The following NBEA variants were observed in gnomAD, a reference collection of about 807,000 sequenced individuals.
NBEA encodes lysosomal-trafficking regulator 2.
A neutral mutation model predicts 343.4 loss-of-function variants in NBEA; 44 were observed. The observed-to-expected ratio is 0.13, with a 90% confidence interval of 0.10 to 0.16. The LOEUF is 0.16. Ranked by LOEUF, NBEA falls within the 10% of genes least tolerant of loss-of-function variation. The probability of loss-of-function intolerance (pLI) is 1.00; values close to 1 mark genes in which losing one functional copy is unlikely to be tolerated. For synonymous variants in NBEA, 1,175 were observed against 1,238.7 expected (o/e 0.95, Z 1.08); for missense variants, 2,555 against 3,631.3 (o/e 0.70, Z 7.62).
At chr13:34,970,641 C>G (rs985405165) in intron 1 of NBEA, among the ~76,000 whole-genome samples, 1 of 152,092 alleles carries the variant, frequency 6.6e-6, no homozygotes, top group African/African-American at 2.4e-5. Flanking sequence ...ATAGGGAATC[C>G]TTTCCCCATT....
chr13:34,991,963 G>A (rs1258885127), intron 1 of NBEA, among the ~76,000 whole-genome samples: 2 of 146,606 alleles, frequency 1.4e-5, no homozygotes, highest in Non-Finnish European at 3.0e-5. Context: ...ATGTACCACT[G>A]TCTTATGGTT....
At chr13:35,408,399 A>G (rs576845350) in intron 38 of NBEA, among the ~76,000 whole-genome samples, 3 of 152,334 alleles carry the variant, frequency 2.0e-5, no homozygotes, top group Non-Finnish European at 4.4e-5. Flanking sequence ...ACCCAAAACT[A>G]TAAAAACCTT....
intron 41 of NBEA, among the ~76,000 whole-genome samples, chr13:35,485,972 C>T (rs192152166): frequency 6.6e-5 from 10 of 152,078 alleles, no homozygotes; most frequent in African/African-American, 2.4e-4. Context: ...TTGAACTCTG[C>T]GTATAAATCA....
intron 36 of NBEA, among the ~76,000 whole-genome samples, chr13:35,340,078 G>A (rs1347529291): frequency 1.3e-5 from 2 of 152,052 alleles, no homozygotes; most frequent in Admixed American, 6.6e-5. Context: ...CAGATCCTAA[G>A]AAATTTAAAA....
intron 30 of NBEA, among the ~76,000 whole-genome samples, chr13:35,192,008 A>G (rs948276624): frequency 6.6e-6 from 1 of 152,068 alleles, no homozygotes; most frequent in African/African-American, 2.4e-5. Flanking sequence ...ACAGTAAGAA[A>G]AAGAGACATC....
chr13:35,458,406 C>T (rs1594705766), intron 40 of NBEA, among the ~76,000 whole-genome samples: 1 of 152,136 alleles, frequency 6.6e-6, no homozygotes, highest in African/African-American at 2.4e-5. Context: ...GAAGAAATCT[C>T]CTAACGCAAT....
chr13:35,637,577 A>G (rs576899629), intron 49 of NBEA, among the ~76,000 whole-genome samples: 1 of 152,084 alleles, frequency 6.6e-6, no homozygotes, highest in Non-Finnish European at 1.5e-5. Context: ...TAATCCCAGC[A>G]CTTTGGGAGG....
chr13:35,020,177 A>G (rs990028771), intron 1 of NBEA, among the ~76,000 whole-genome samples: 7 of 152,122 alleles, frequency 4.6e-5, no homozygotes, highest in East Asian at 1.9e-4. Context: ...TGTTTTAGCT[A>G]TATCTAATAA....
intron 10 of NBEA, among the ~76,000 whole-genome samples, chr13:35,086,459 C>T (rs1345165278): frequency 6.6e-6 from 1 of 151,920 alleles, no homozygotes; most frequent in Non-Finnish European, 1.5e-5. Context: ...ACCCTGGTAC[C>T]CTTCCCAGAC....
At chr13:35,364,160 A>G (rs562844026) in intron 38 of NBEA, among the ~76,000 whole-genome samples, 6 of 151,874 alleles carry the variant, frequency 4.0e-5, no homozygotes, top group African/African-American at 9.7e-5. Flanking sequence ...AACAAATTTC[A>G]TCTCTCCCAT....
At chr13:35,098,240 C>G in intron 10 of NBEA, 57 bp from the exon 11 acceptor site, 1 of 1,190,034 alleles carries the variant, frequency 8.4e-7, no homozygotes, top group Non-Finnish European at 1.2e-6. Flanking sequence ...TGAAGTGGGA[C>G]ACTGTTTATA....
chr13:35,240,611 A>T (rs1439776525), intron 34 of NBEA, among the ~76,000 whole-genome samples: 2 of 151,914 alleles, frequency 1.3e-5, no homozygotes, highest in African/African-American at 4.8e-5. Flanking sequence ...AATAAATTAC[A>T]TGGGGAAAAG....
rs554602077 is a variant in NBEA, at chr13:35,625,008, AACTC to A, written c.7450-3065_7450-3062del. 4.4e-3 allele frequency among the ~76,000 whole-genome samples: 665 copies of A among 152,230 alleles called. 6 individuals carry two copies. The highest frequency in any genetic ancestry group is 0.015 in the African/African-American group (614 of 41,556). On this transcript the variant is annotated intron_variant, in intron 48 of 58. Coordinates refer to ENST00000379939, the MANE Select transcript of NBEA (RefSeq NM_001385012.1). ...TTTGTTTAATAGATGGTATTGGAAA[AACTC>A]ACTCACTTTATAAACAAAAATAAGA...
In NBEA at chr13:35,670,531, A is replaced by G. The variant is rs935485063; in HGVS notation, c.8814-370A>G. On this transcript the variant is annotated intron_variant, in intron 58 of 58. Coordinates refer to ENST00000379939, the MANE Select transcript of NBEA (RefSeq NM_001385012.1). ...GGCAAAGAAAAGAAAGGTCACAGAG[A>G]TAGGAAGAGATGCCAGATATCCTCA... Among the ~76,000 whole-genome samples the G allele has an allele frequency of 2.0e-5, 3 of 152,332 alleles. No homozygotes were observed. The East Asian group carries it at 5.8e-4, about 29-fold the overall frequency.
At chr13:35,289,461 C>A (rs539972440) in intron 34 of NBEA, among the ~76,000 whole-genome samples, 11 of 151,920 alleles carry the variant, frequency 7.2e-5, no homozygotes, top group Non-Finnish European at 1.6e-4. Context: ...TACTTGATTA[C>A]CTCATTCTCT....
intron 45 of NBEA, among the ~76,000 whole-genome samples, chr13:35,574,649 G>A (rs963064848): frequency 1.3e-5 from 2 of 152,026 alleles, no homozygotes; most frequent in African/African-American, 4.8e-5. Context: ...ACTTTGGAAG[G>A]CAGAGTCAGG....
At chr13:35,591,138 GGTATT>G (rs2081519122) in intron 46 of NBEA, among the ~76,000 whole-genome samples, 1 of 151,848 alleles carries the variant, frequency 6.6e-6, no homozygotes, top group Admixed American at 6.6e-5. Context: ...ATTCCCCCAA[GGTATT>G]GTCATTCCCA....
intron 41 of NBEA, among the ~76,000 whole-genome samples, chr13:35,521,259 A>C (rs1325469290): frequency 6.6e-6 from 1 of 152,100 alleles, no homozygotes; most frequent in Non-Finnish European, 1.5e-5. Context: ...TGTTCCCCTG[A>C]TGTACATTTC....
At chr13:35,442,818 A>T (rs1056568081) in intron 39 of NBEA, among the ~76,000 whole-genome samples, 4 of 152,144 alleles carry the variant, frequency 2.6e-5, no homozygotes, top group Admixed American at 6.6e-5. Context: ...AGGCCTGTCA[A>T]TATAAAAAGT....
Sources: gnomAD v4.1 joint callset for allele counts (sites outside exome capture counted in the v4.1 genomes callset) on GRCh38, gnomAD v4.1.1 for gene constraint, MANE v1.5 for transcripts, NCBI Gene and HGNC (gene_info 2026-07-23, HGNC 2026-07-21) for gene names.